Variants in SLC23A1 observed in about 807,000 individuals in gnomAD.
SLC23A1 encodes solute carrier family 23 member 1.
Under a neutral mutation model 62.5 loss-of-function variants are expected in SLC23A1, and 31 were observed. That is an observed-to-expected ratio of 0.50 (90% CI 0.37 to 0.67). The LOEUF is 0.67. Ranked by LOEUF, SLC23A1 falls within the 30% of genes least tolerant of loss-of-function variation. The pLI, the probability that SLC23A1 is intolerant of heterozygous loss-of-function variation, is 0.00. For synonymous variants in SLC23A1, 271 were observed against 313.2 expected (o/e 0.87, Z 1.42); for missense variants, 640 against 782.7 (o/e 0.82, Z 2.18).
rs776853801 is a variant in SLC23A1, at chr5:139,378,102, C to T, written c.1326G>A (p.Val442=). The change falls in exon 12 of 15, where the codon GTG becomes GTA. Residue 442 remains valine, a synonymous_variant. Transcript: ENST00000348729. The surrounding 1 kb of genome is among the most constrained non-coding windows in gnomAD (Gnocchi z 4.5). ...CCACAAATTGCAGGTTGGACAGCCC[C>T]ACAGCTGTAATCATGCCTAAGGGCG... ...FCTLFGMITA[V]GLSNLQFVDM... is the part of the protein sequence containing the mutation. 8 of 1,614,218 alleles carry T rather than the reference C, an allele frequency of 5.0e-6. No individual in the cohort carries two copies. The highest frequency in any genetic ancestry group is 3.3e-5 in the South Asian group (3 of 91,080).
chr5:139,369,567 A>C (rs1757524814), intron 14 of SLC23A1: 1 of 152,660 alleles, frequency 6.6e-6, no homozygotes, highest in South Asian at 2.1e-4. Context: ...ACTTTTAACA[A>C]AGCTAGAACA....
intron 14 of SLC23A1, chr5:139,368,962 A>G: frequency 1.9e-6 from 1 of 532,916 alleles, no homozygotes; most frequent in Non-Finnish European, 3.4e-6. Context: ...GACTGTTACT[A>G]AGTAAAAAGC....
At chr5:139,384,498 C>T (rs1369896778), upstream of SLC23A1, 31 of 1,289,588 alleles carry the variant, frequency 2.4e-5, no homozygotes, top group Non-Finnish European at 2.9e-5. Flanking sequence ...GTCCGCCTGT[C>T]CTCTCCTCTC....
intron 13 of SLC23A1, among the ~76,000 whole-genome samples, chr5:139,377,063 G>C (rs1354089931): frequency 2.0e-5 from 3 of 151,934 alleles, no homozygotes; most frequent in Non-Finnish European, 4.4e-5. Context: ...AGGTTGCAGT[G>C]AGCTGAGATC....
In SLC23A1 at chr5:139,378,569, G is replaced by A. The variant is rs914262529; in HGVS notation, c.1179+10C>T. 4.4e-6 allele frequency: 7 copies of A among 1,576,716 alleles called. No homozygotes were observed. The highest frequency in any genetic ancestry group is 1.8e-5 in the Admixed American group (1 of 55,250). On this transcript the variant is annotated intron_variant, in intron 10 of 14. Coordinates refer to ENST00000348729, the MANE Select transcript of SLC23A1 (RefSeq NM_005847.5). This position sits in a 1 kb window ranked among gnomAD's most constrained non-coding sequence, Gnocchi z 4.5. ...TTAGGGCAGGATTTGGCTCTGGCTC[G>A]TCGCGACACCTTGGTAATTCCCAGG...
chr5:139,375,503 C>T (rs1233628410), intron 13 of SLC23A1, among the ~76,000 whole-genome samples: 1 of 152,162 alleles, frequency 6.6e-6, no homozygotes, highest in Non-Finnish European at 1.5e-5. Flanking sequence ...TGAATAACCA[C>T]TGCACTCCAG....
chr5:139,378,487 G>T lies in SLC23A1; in HGVS notation c.1179+92C>A. The T allele has an allele frequency of 7.0e-7, 1 of 1,430,874 alleles. No individual in the cohort carries two copies. Among genetic ancestry groups the T allele is most frequent in the Non-Finnish European group, 9.6e-7 (1 of 1,041,634 alleles). 88.6% of individuals were successfully genotyped at this position (1,430,874 alleles called of 1,614,324 possible). A position where few individuals can be genotyped will look rare whatever the true frequency, so the allele number is the denominator to read the frequency against. Reference sequence around the variant, plus strand: ...GCGGGGGCGAGGCCTCTCAAAGACAGGGTGGGGCTAAACCAAAGTGGGGAC... The same window carrying T: ...GCGGGGGCGAGGCCTCTCAAAGACATGGTGGGGCTAAACCAAAGTGGGGAC... On this transcript the variant is annotated intron_variant, in intron 10 of 14. Transcript: ENST00000348729. This position sits in a 1 kb window ranked among gnomAD's most constrained non-coding sequence, Gnocchi z 4.5.
At position 139,381,973 on chromosome 5, in the gene SLC23A1, T is replaced by C; in HGVS notation, c.227A>G (p.Gln76Arg). Reference sequence around the variant, plus strand: ...GCCGATGAGCTGACTAACCATGTGCTGGTCGTGGCCCACACACAGCGCCTC... The same window carrying C: ...GCCGATGAGCTGACTAACCATGTGCCGGTCGTGGCCCACACACAGCGCCTC... ...LAEALCVGHD[Q>R]HMVSQLIGTI... Residue 76 changes from glutamine to arginine, a missense_variant, in exon 3 of 15, where the codon CAG (glutamine) becomes CGG (arginine). Coordinates refer to ENST00000348729, the MANE Select transcript of SLC23A1 (RefSeq NM_005847.5). The C allele has an allele frequency of 1.3e-6, 2 of 1,599,678 alleles. No individual in the cohort carries two copies. The highest frequency in any genetic ancestry group is 1.7e-6 in the Non-Finnish European group (2 of 1,173,492).
chr5:139,374,221 A>G (rs1757831253), intron 13 of SLC23A1, among the ~76,000 whole-genome samples: 1 of 152,220 alleles, frequency 6.6e-6, no homozygotes. Context: ...GTGCTGAACT[A>G]AACGGACTGC....
intron 3 of SLC23A1, 148 bp downstream of exon 3, chr5:139,381,744 C>A (rs1758271962): frequency 1.2e-5 from 8 of 662,822 alleles, no homozygotes; most frequent in Non-Finnish European, 2.1e-5. Flanking sequence ...CTGCCCAGCT[C>A]TAAGGCTGGC....
chr5:139,372,900 TGAA>T (rs1290977065), intron 13 of SLC23A1, among the ~76,000 whole-genome samples: 3 of 152,054 alleles, frequency 2.0e-5, no homozygotes, highest in Non-Finnish European at 2.9e-5. Flanking sequence ...AATTTTAAGA[TGAA>T]GAAAGGGACA....
chr5:139,380,958 G>C (rs1372239165), intron 3 of SLC23A1, 72 bp from the exon 4 acceptor site: 10 of 746,404 alleles, frequency 1.3e-5, no homozygotes, highest in Non-Finnish European at 2.3e-5. Context: ...TGCGGGGAGA[G>C]ATCAGGAAGG....
chr5:139,381,008 G>T, intron 3 of SLC23A1, 122 bp from the exon 4 acceptor site: 1 of 609,404 alleles, frequency 1.6e-6, no homozygotes, highest in South Asian at 2.2e-5. Flanking sequence ...AGGGACAAGG[G>T]CAGATGGAAA....
At position 139,383,205 on chromosome 5, in the gene SLC23A1, C is replaced by G; in HGVS notation, c.36+13G>C. On this transcript the variant is annotated intron_variant, in intron 1 of 14. Transcript: ENST00000348729. ...CCCTGCCCCCCCTAGCCCCCACCCC[C>G]AGCCCCCAGCACCTGTGTCCGGCCC... The G allele has an allele frequency of 6.9e-7, 1 of 1,455,322 alleles. No homozygotes were observed. Among genetic ancestry groups the G allele is most frequent in the Non-Finnish European group, 9.3e-7 (1 of 1,070,356 alleles). The allele number at this position is 1,455,322 out of a possible 1,614,324, so 90.2% of individuals were successfully genotyped here. A position where few individuals can be genotyped will look rare whatever the true frequency, so the allele number is the denominator to read the frequency against.
Position 139,380,222 on chromosome 5 carries a change from C to G in SLC23A1, c.633G>C (p.Trp211Cys), listed in dbSNP as rs1245334800. 6.4e-7 allele frequency: 1 copy of G among 1,559,516 alleles called. No individual in the cohort carries two copies. The highest frequency in any genetic ancestry group is 8.7e-7 in the Non-Finnish European group (1 of 1,151,694). Residue 211 changes from tryptophan (W) to cysteine (C), a missense_variant, in exon 6 of 15, where the codon TGG becomes TGC. Coordinates refer to ENST00000348729, the MANE Select transcript of SLC23A1 (RefSeq NM_005847.5). The stretch of plus-strand genomic sequence containing the variant: ...TGCCTGCTCACCAAGCTGAGATGCC[C>G]CAGTGGGAGCCAGCTCGGTCGCCAG... ...QAAGDRAGSH[W>C]GISACSILLI...
upstream of SLC23A1, chr5:139,384,473 C>A (rs1758431504): frequency 2.3e-6 from 3 of 1,289,890 alleles, no homozygotes; most frequent in Non-Finnish European, 3.0e-6. Context: ...CTGCCGGTGT[C>A]CACACTGTTC....
Position 139,382,577 on chromosome 5 carries a change from G to A in SLC23A1, c.65C>T (p.Pro22Leu), listed in dbSNP as rs199767403. ...GTCAAACTTAGGCTCTGTGGGTAGC[G>A]GGGTCGAGGGGTCCCTGGTGGTTTC... ...QHETTRDPST[P>L]LPTEPKFDML... is the part of the protein sequence containing the mutation. The change falls in exon 2 of 15, where the codon CCG becomes CTG. Residue 22 changes from proline to leucine, a missense_variant. Physicochemically the swap from Pro to Leu is moderately conservative, Grantham distance 98. Coordinates refer to ENST00000348729, the MANE Select transcript of SLC23A1 (RefSeq NM_005847.5). 7.3e-5 allele frequency: 117 copies of A among 1,612,964 alleles called. No homozygotes were observed. Among genetic ancestry groups the A allele is most frequent in the East Asian group, 7.1e-4 (32 of 44,814 alleles).
chr5:139,382,542 T>C lies in SLC23A1; in HGVS notation c.100A>G (p.Lys34Glu), dbSNP rs764960834. ...TACCAAGGTGGCACGTCCTCGATCT[T>C]GTACAACATGTCAAACTTAGGCTCT... Reference protein sequence around the residue: ...PTEPKFDMLYKIEDVPPWYLC... With the variant: ...PTEPKFDMLYEIEDVPPWYLC... Residue 34 changes from lysine (K) to glutamate (E), a missense_variant, in exon 2 of 15, where the codon AAG becomes GAG. By Grantham distance (56) the Lys-to-Glu change is moderately conservative. Transcript: ENST00000348729. The C allele has an allele frequency of 1.2e-6, 2 of 1,613,340 alleles. No individual in the cohort carries two copies. Among genetic ancestry groups the C allele is most frequent in the East Asian group, 4.5e-5 (2 of 44,842 alleles).
intron 14 of SLC23A1, chr5:139,368,948 C>T (rs1328092278): frequency 8.7e-6 from 5 of 573,712 alleles, no homozygotes. Flanking sequence ...AATAAAAGTG[C>T]TGAGACTGTT....
Sources: allele counts gnomAD v4.1 joint callset (sites outside exome capture counted in the v4.1 genomes callset), GRCh38; gene constraint gnomAD v4.1.1; non-coding constraint Gnocchi (gnomAD v3.1); transcripts MANE v1.5; gene names NCBI Gene and HGNC (gene_info 2026-07-23, HGNC 2026-07-21).